Variants in ADGRE1 observed in about 807,000 individuals in gnomAD.
The protein encoded by ADGRE1 is EGF-like module receptor 1.
Under a neutral mutation model 102.7 loss-of-function variants are expected in ADGRE1, and 82 were observed. The observed-to-expected ratio is 0.80, with a 90% confidence interval of 0.67 to 0.96. The LOEUF is 0.96. Ranked by LOEUF, ADGRE1 falls within the 40% of genes least tolerant of loss-of-function variation. The probability of loss-of-function intolerance (pLI) is 0.00; values close to 1 mark genes in which losing one functional copy is unlikely to be tolerated. For missense variants in ADGRE1, 1,032 were observed against 1,085.3 expected (o/e 0.95, Z 0.69); for synonymous variants, 398 against 399.6 (o/e 1.00, Z 0.05).
chr19:6,938,161 ACC>A (rs35725234), intron 20 of ADGRE1, among the ~76,000 whole-genome samples: 4 of 151,830 alleles, frequency 2.6e-5, no homozygotes, highest in Non-Finnish European at 5.9e-5. Flanking sequence ...ACATGGCAAA[ACC>A]CCCATCTCTA....
chr19:6,940,147 C>A lies in ADGRE1; in HGVS notation c.*118C>A. ...CATGGAAATGAGGATCCCACCAGCCCCAGAACCCTCTGGGGAAGAATGTTG... is the reference window on the plus strand; with the variant it reads ...CATGGAAATGAGGATCCCACCAGCCACAGAACCCTCTGGGGAAGAATGTTG... On this transcript the variant is annotated 3_prime_UTR_variant, in exon 21 of 21. Transcript: ENST00000312053. 8.2e-7 allele frequency: 1 copy of A among 1,218,724 alleles called. No individual in the cohort carries two copies. Among genetic ancestry groups the A allele is most frequent in the South Asian group, 1.3e-5 (1 of 78,652 alleles). 75.5% of individuals were successfully genotyped at this position (1,218,724 alleles called of 1,614,324 possible). A position where few individuals can be genotyped will look rare whatever the true frequency, so the allele number is the denominator to read the frequency against.
At chr19:6,909,828 A>G (rs34296469) in intron 10 of ADGRE1, among the ~76,000 whole-genome samples, 95,639 of 151,924 alleles carry the variant, frequency 0.63, 31,932 homozygotes, top group Non-Finnish European at 0.75. Context: ...TCCACCTCCC[A>G]GGTTCAAGCG....
intron 9 of ADGRE1, among the ~76,000 whole-genome samples, chr19:6,908,104 A>G (rs923715181): frequency 1.3e-5 from 2 of 152,256 alleles, no homozygotes; most frequent in African/African-American, 4.8e-5. Context: ...CCAGGGCGGA[A>G]AAATCGCTTA....
At chr19:6,938,428 AT>A (rs1348345693) in intron 20 of ADGRE1, among the ~76,000 whole-genome samples, 1 of 151,718 alleles carries the variant, frequency 6.6e-6, no homozygotes, top group Non-Finnish European at 1.5e-5. Flanking sequence ...ATATATGTAG[AT>A]TTTCAGGAAT....
Position 6,913,806 on chromosome 19 carries a change from C to T in ADGRE1, c.1276C>T (p.Pro426Ser). The T allele has an allele frequency of 6.2e-7, 1 of 1,604,938 alleles. No homozygotes were observed. ...SFWKPSANIT[P>S]AVRTEYLDIE... ...TTGGAAACCCTCAGCAAATATCACT[C>T]CGGCTGTTCGGACGGAATACTTAGG... Residue 426 changes from proline to serine, a missense_variant, in exon 11 of 21, where the codon CCG becomes TCG. By Grantham distance (74) the Pro-to-Ser change is moderately conservative. Transcript: ENST00000312053.
intron 16 of ADGRE1, 95 bp downstream of exon 16, chr19:6,926,696 G>A: frequency 7.8e-7 from 1 of 1,280,430 alleles, no homozygotes; most frequent in Non-Finnish European, 1.1e-6. Flanking sequence ...AGTAGCAGTA[G>A]TTGTGGCTAC....
intron 14 of ADGRE1, among the ~76,000 whole-genome samples, chr19:6,924,212 C>T (rs1482418835): frequency 1.3e-5 from 2 of 151,976 alleles, no homozygotes; most frequent in African/African-American, 2.4e-5. Context: ...CCCAATGCAG[C>T]TGTAACTCAG....
At chr19:6,934,182 G>T (rs1300767890) in intron 17 of ADGRE1, among the ~76,000 whole-genome samples, 1 of 152,134 alleles carries the variant, frequency 6.6e-6, no homozygotes, top group African/African-American at 2.4e-5. Flanking sequence ...CTTGGAGGCT[G>T]TTGCACGGAT....
chr19:6,908,050 G>A (rs1974034991), intron 9 of ADGRE1, among the ~76,000 whole-genome samples: 1 of 152,250 alleles, frequency 6.6e-6, no homozygotes, highest in African/African-American at 2.4e-5. Flanking sequence ...CACACTGGAA[G>A]GTTGTGGGTT....
At position 6,928,564 on chromosome 19, in the gene ADGRE1, G is replaced by A. The variant is rs527406770; in HGVS notation, c.2289+353G>A. Reference sequence around the variant, plus strand: ...ATCGCTTGAATCCAGGAGACATGGAGGTTGCAGTGAGCCAAATTCATGCCA... The same window carrying A: ...ATCGCTTGAATCCAGGAGACATGGAAGTTGCAGTGAGCCAAATTCATGCCA... On this transcript the variant is annotated intron_variant, in intron 17 of 20. Coordinates refer to ENST00000312053, the MANE Select transcript of ADGRE1 (RefSeq NM_001974.5). 18 of 298,278 alleles carry A rather than the reference G, an allele frequency of 6.0e-5. No individual in the cohort carries two copies. In the South Asian group the frequency reaches 8.2e-4, roughly 14 times the overall value. The allele number at this position is 298,278 out of a possible 1,614,324, so 18.5% of individuals were successfully genotyped here. A position where few individuals can be genotyped will look rare whatever the true frequency, so the allele number is the denominator to read the frequency against.
At chr19:6,919,850 G>A in intron 13 of ADGRE1, 103 bp downstream of exon 13, 1 of 1,141,122 alleles carries the variant, frequency 8.8e-7, no homozygotes, top group Non-Finnish European at 1.3e-6. Context: ...ATTGAGGCCG[G>A]TAAGCTTCCA....
At chr19:6,902,084 G>T in intron 6 of ADGRE1, 63 bp downstream of exon 6, 2 of 1,590,104 alleles carry the variant, frequency 1.3e-6, no homozygotes, top group Non-Finnish European at 1.7e-6. Flanking sequence ...GCAGTGAGGG[G>T]ATTAGGGTGG....
chr19:6,911,340 A>G (rs1300660221), intron 10 of ADGRE1, among the ~76,000 whole-genome samples: 1 of 130,384 alleles, frequency 7.7e-6, no homozygotes, highest in Non-Finnish European at 1.7e-5. Context: ...GATTTAATTC[A>G]TTTAATGCAT....
chr19:6,921,957 T>C (rs948347701), intron 14 of ADGRE1, 74 bp downstream of exon 14: 1 of 1,509,916 alleles, frequency 6.6e-7, no homozygotes, highest in African/African-American at 1.4e-5. Context: ...TGATTAAACA[T>C]CTGTTGTGTG....
chr19:6,910,608 G>T (rs1183791616), intron 10 of ADGRE1, among the ~76,000 whole-genome samples: 6 of 112,106 alleles, frequency 5.4e-5, no homozygotes, highest in African/African-American at 2.0e-4. Context: ...GTCTTGCTCT[G>T]TTGCCCAGGC....
In ADGRE1 at chr19:6,926,513, C is replaced by T. The variant is rs1974918691; in HGVS notation, c.2134C>T (p.His712Tyr). The change falls in exon 16 of 21, where the codon CAC becomes TAC. Residue 712 changes from histidine (H) to tyrosine (Y), a missense_variant. Physicochemically the swap from His to Tyr is moderately conservative, Grantham distance 83 (BLOSUM62 2). Transcript: ENST00000312053. ...YFSSRNIKML[H>Y]ICAFGYGLPM... The stretch of plus-strand genomic sequence containing the variant: ...CAGCTCTCGCAACATCAAGATGCTG[C>T]ACATCTGTGCCTTTGGTTATGGGCT... The T allele has an allele frequency of 1.9e-6, 3 of 1,614,220 alleles. No individual in the cohort carries two copies. The African/African-American group carries it at 4.0e-5, about 22-fold the overall frequency.
chr19:6,935,710 C>T (rs987727832), intron 18 of ADGRE1, among the ~76,000 whole-genome samples: 30 of 152,142 alleles, frequency 2.0e-4, no homozygotes, highest in African/African-American at 7.0e-4. Context: ...TATTTAATTA[C>T]AACACTAAAC....
intron 17 of ADGRE1, among the ~76,000 whole-genome samples, chr19:6,928,852 T>C (rs115536810): frequency 0.011 from 1,708 of 151,906 alleles, 33 homozygotes; most frequent in African/African-American, 0.039. Context: ...GAGAGGAGAA[T>C]TGCTTGAACC....
chr19:6,929,355 C>T (rs560111005), intron 17 of ADGRE1, among the ~76,000 whole-genome samples: 3 of 152,160 alleles, frequency 2.0e-5, no homozygotes, highest in Non-Finnish European at 4.4e-5. Flanking sequence ...TTACATAGGG[C>T]CCAAAGATTG....
Sources: gnomAD v4.1 joint callset for allele counts (sites outside exome capture counted in the v4.1 genomes callset) on GRCh38, gnomAD v4.1.1 for gene constraint, MANE v1.5 for transcripts, NCBI Gene and HGNC (gene_info 2026-07-23, HGNC 2026-07-21) for gene names.